The following NOL11 variants were observed in gnomAD, a reference collection of about 807,000 sequenced individuals.
NOL11 encodes the protein nucleolar protein 11.
In NOL11, 42 loss-of-function variants were observed where a neutral mutation model predicts 93.0. The ratio of observed to expected loss-of-function variants is 0.45; its 90% CI spans 0.35 to 0.58. The LOEUF is 0.58. NOL11 is among the 20% of genes least tolerant of loss of function. The probability of loss-of-function intolerance (pLI) is 0.00; values close to 1 mark genes in which losing one functional copy is unlikely to be tolerated. For missense variants in NOL11, 775 were observed against 841.8 expected (o/e 0.92, Z 0.98); for synonymous variants, 296 against 293.7 (o/e 1.01, Z -0.08).
rs1013539628 is a variant in NOL11, at chr17:67,718,169, A to G, written c.141+81A>G. Reference sequence around the variant, plus strand: ...CGGAGCTCGAGCTCAAGTTTCTCACAGCTTCAGAAAGAGATCGTGGAGAAG... The same window carrying G: ...CGGAGCTCGAGCTCAAGTTTCTCACGGCTTCAGAAAGAGATCGTGGAGAAG... On this transcript the variant is annotated intron_variant, in intron 1 of 17. Coordinates refer to ENST00000253247, the MANE Select transcript of NOL11 (RefSeq NM_015462.5). 2.6e-6 allele frequency: 4 copies of G among 1,553,742 alleles called. No individual in the cohort carries two copies. The African/African-American group carries it at 4.1e-5, about 16-fold the overall frequency.
At chr17:67,737,752 G>T (rs2055216110) in intron 12 of NOL11, 60 bp downstream of exon 12, 1 of 1,583,152 alleles carries the variant, frequency 6.3e-7, no homozygotes, top group Admixed American at 1.9e-5. Context: ...GTTTTTTATA[G>T]TTCTAATCTT....
rs1403342907 is a variant in NOL11 at position 67,726,590 on chromosome 17, C to T, written c.795C>T (p.Leu265=). Residue 265 remains leucine, a synonymous_variant, in exon 7 of 18, where the codon CTC becomes CTT. Coordinates refer to ENST00000253247, the MANE Select transcript of NOL11 (RefSeq NM_015462.5). Reference sequence around the variant, plus strand: ...GTAACGCTCGAAATGGAGTTGCACTCACTGCCCTGGATCAGGATCACGTCG... The same window carrying T: ...GTAACGCTCGAAATGGAGTTGCACTTACTGCCCTGGATCAGGATCACGTCG... The part of the protein sequence containing the change: ...VSGNARNGVA[L]TALDQDHVAV... The T allele has an allele frequency of 6.2e-7, 1 of 1,613,946 alleles. No individual in the cohort carries two copies. The highest frequency in any genetic ancestry group is 8.5e-7 in the Non-Finnish European group (1 of 1,179,948).
In NOL11 at chr17:67,737,075, G is replaced by A; in HGVS notation, c.1148G>A (p.Arg383Lys). The change falls in exon 11 of 18, where the codon AGG (arginine) becomes AAG (lysine). Residue 383 changes from arginine to lysine, a missense_variant. Arg to Lys is a conservative substitution (Grantham distance 26). Coordinates refer to ENST00000253247, the MANE Select transcript of NOL11 (RefSeq NM_015462.5). ...AATCAATTTACTTAATTCCAGTTAA[G>A]GAGACGAAAAATTGAAGTGAGTTTA... is the stretch of plus-strand genomic sequence containing the variant. ...QNSEQSRRILRRRKIEVSLQP... is the reference protein window; with the variant it reads ...QNSEQSRRILKRRKIEVSLQP... 1 of 1,604,494 alleles carries A rather than the reference G, an allele frequency of 6.2e-7. No homozygotes were observed. Among genetic ancestry groups the A allele is most frequent in the Non-Finnish European group, 8.5e-7 (1 of 1,171,504 alleles).
Position 67,717,995 on chromosome 17 carries a change from C to T in NOL11, c.48C>T (p.Ser16=), listed in dbSNP as rs769307726. 1 of 1,614,202 alleles carries T rather than the reference C, an allele frequency of 6.2e-7. No individual in the cohort carries two copies. The highest frequency in any genetic ancestry group is 2.2e-5 in the East Asian group (1 of 44,892). The stretch of plus-strand genomic sequence containing the variant: ...TCACGTTGTCTTCGGTAGTCCTGAG[C>T]GCCGGGCCTGAAGGACTCCTAGGCG... The part of the protein sequence containing the change: ...EEFTLSSVVL[S]AGPEGLLGVE... The change falls in exon 1 of 18, where the codon AGC becomes AGT. Residue 16 remains serine (S), a synonymous_variant. Coordinates refer to ENST00000253247, the MANE Select transcript of NOL11 (RefSeq NM_015462.5).
chr17:67,722,723 C>A (rs999043), intron 5 of NOL11, 86 bp downstream of exon 5: 1 of 1,452,708 alleles, frequency 6.9e-7, no homozygotes, highest in Admixed American at 2.9e-5. Flanking sequence ...GTTGCCCTGT[C>A]ACCCAGGCTT....
Position 67,721,067 on chromosome 17 carries a change from G to A in NOL11, c.313-311G>A, listed in dbSNP as rs544455271. 3.3e-5 allele frequency among the ~76,000 whole-genome samples: 5 copies of A among 152,266 alleles called. No individual in the cohort carries two copies. In the East Asian group the frequency reaches 7.7e-4, roughly 23 times the overall value. On this transcript the variant is annotated intron_variant, in intron 3 of 17. Transcript: ENST00000253247. ...GAATTGCATGTACCTCTGCATGAAT[G>A]GCTTATCTGTATCTTTCCCAGTTTT...
At position 67,737,499 on chromosome 17, in the gene NOL11, C is replaced by T. The variant is rs751796054; in HGVS notation, c.1219-9C>T. The stretch of plus-strand genomic sequence containing the variant: ...TGCCAAACTGAATTCTTTAATTCTG[C>T]GCTTTCAGAAAGATTCAGAAAAACA... On this transcript the variant is annotated splice_polypyrimidine_tract_variant and intron_variant, in intron 11 of 17. Coordinates refer to ENST00000253247, the MANE Select transcript of NOL11 (RefSeq NM_015462.5). 5 of 1,591,422 alleles carry T rather than the reference C, an allele frequency of 3.1e-6. No homozygotes were observed. The highest frequency in any genetic ancestry group is 1.4e-5 in the African/African-American group (1 of 73,736).
At chr17:67,741,093 G>A (rs1177924437) in intron 16 of NOL11, among the ~76,000 whole-genome samples, 2 of 150,742 alleles carry the variant, frequency 1.3e-5, no homozygotes, top group Non-Finnish European at 2.9e-5. Flanking sequence ...TTTTTGAGAC[G>A]GAGTCTCGCT....
chr17:67,721,506 C>T lies in NOL11; in HGVS notation c.441C>T (p.Ile147=), dbSNP rs1190842411. The T allele has an allele frequency of 2.5e-6, 4 of 1,613,440 alleles. No homozygotes were observed. The highest frequency in any genetic ancestry group is 1.1e-5 in the South Asian group (1 of 90,924). ...CCCAGCAGAAAATTGAAACTGTTATCTCTGATGAAGAAGTGATTAAGTAAG... is the reference window on the plus strand; with the variant it reads ...CCCAGCAGAAAATTGAAACTGTTATTTCTGATGAAGAAGTGATTAAGTAAG... ...ADPQQKIETV[I]SDEEVIKWTK... The change falls in exon 4 of 18, where the codon ATC becomes ATT. Residue 147 remains isoleucine, a synonymous_variant. Transcript: ENST00000253247.
chr17:67,734,731 A>G (rs9901048), intron 8 of NOL11, among the ~76,000 whole-genome samples: 3,429 of 152,306 alleles, frequency 0.023, 163 homozygotes, highest in African/African-American at 0.079. Context: ...TTTTGAGCCC[A>G]GGAGTTCAAG....
intron 6 of NOL11, 68 bp downstream of exon 6, chr17:67,724,261 T>C: frequency 2.1e-6 from 2 of 954,690 alleles, no homozygotes; most frequent in African/African-American, 3.3e-5. Context: ...GTGTATGTTT[T>C]TGAATCGTAG....
At chr17:67,738,019 T>C (rs1297650599) in intron 13 of NOL11, 47 bp downstream of exon 13, 1 of 1,566,514 alleles carries the variant, frequency 6.4e-7, no homozygotes, top group Non-Finnish European at 8.6e-7. Flanking sequence ...ATTTATAATC[T>C]GTTACATTAT....
intron 6 of NOL11, among the ~76,000 whole-genome samples, chr17:67,725,797 A>AAT (rs2055085955): frequency 6.6e-6 from 1 of 152,202 alleles, no homozygotes; most frequent in African/African-American, 2.4e-5. Flanking sequence ...GAATTATAAT[A>AAT]AACTAAGCAC....
chr17:67,721,418 C>G lies in NOL11; in HGVS notation c.353C>G (p.Thr118Arg). The G allele has an allele frequency of 6.2e-7, 1 of 1,612,762 alleles. No individual in the cohort carries two copies. Among genetic ancestry groups the G allele is most frequent in the Non-Finnish European group, 8.5e-7 (1 of 1,179,152 alleles). Residue 118 changes from threonine to arginine, a missense_variant, in exon 4 of 18, where the codon ACA becomes AGA. Transcript: ENST00000253247. Reference sequence around the variant, plus strand: ...TATAGGATACTTTCAGTGCAAGGGACAGAACCCTTGGTGCTCTTCAAGGAA... The same window carrying G: ...TATAGGATACTTTCAGTGCAAGGGAGAGAACCCTTGGTGCTCTTCAAGGAA... ...EVYRILSVQGTEPLVLFKEGA... is the reference protein window; with the variant it reads ...EVYRILSVQGREPLVLFKEGA...
At chr17:67,734,572 C>G in intron 8 of NOL11, 133 bp downstream of exon 8, 1 of 610,274 alleles carries the variant, frequency 1.6e-6, no homozygotes, top group Non-Finnish European at 2.9e-6. Flanking sequence ...GATCCTCCTG[C>G]TTCAGAAATT....
At chr17:67,739,380 A>G (rs2055233507) in intron 15 of NOL11, 136 bp from the exon 16 acceptor site, 3 of 583,176 alleles carry the variant, frequency 5.1e-6, no homozygotes, top group Non-Finnish European at 6.0e-6. Flanking sequence ...CATTTTATTC[A>G]TTTTTATGTC....
intron 3 of NOL11, among the ~76,000 whole-genome samples, chr17:67,720,666 C>T (rs1324660070): frequency 6.6e-6 from 1 of 152,176 alleles, no homozygotes; most frequent in Non-Finnish European, 1.5e-5. Context: ...ACATGACTAG[C>T]TGTGCATGTT....
At chr17:67,743,633 C>G (rs753873900) in intron 17 of NOL11, 47 bp downstream of exon 17, 4 of 1,265,472 alleles carry the variant, frequency 3.2e-6, no homozygotes, top group Non-Finnish European at 4.5e-6. Context: ...ACCCAAGTAT[C>G]ACCTGAATTA....
intron 1 of NOL11, 62 bp downstream of exon 1, chr17:67,718,150 T>C (rs1279032482): frequency 1.1e-5 from 17 of 1,582,862 alleles, no homozygotes; most frequent in Non-Finnish European, 1.4e-5. Flanking sequence ...AGCGCGGAGC[T>C]CGAGCTCAAG....
Sources: allele counts gnomAD v4.1 joint callset (sites outside exome capture counted in the v4.1 genomes callset), GRCh38; gene constraint gnomAD v4.1.1; transcripts MANE v1.5; gene names NCBI Gene and HGNC (gene_info 2026-07-23, HGNC 2026-07-21).